LETM1: variants seen among roughly 807,000 people sequenced by gnomAD.
LETM1 encodes leucine zipper and EF-hand containing transmembrane protein 1.
A neutral mutation model predicts 74.5 loss-of-function variants in LETM1; 50 were observed. That is an observed-to-expected ratio of 0.67 (90% CI 0.53 to 0.85). The LOEUF (loss-of-function observed/expected upper bound fraction) is 0.85. Ranked by LOEUF, LETM1 falls within the 40% of genes least tolerant of loss-of-function variation. The pLI is 0.00. For missense variants in LETM1, 824 were observed against 967.8 expected, an observed-to-expected ratio of 0.85 and a Z score of 1.97; for synonymous variants, 446 against 407.1, an observed-to-expected ratio of 1.10 and a Z score of -1.15.
At position 1,834,724 on chromosome 4, in the gene LETM1, A is replaced by G; in HGVS notation, c.876+121T>C. 6.6e-7 allele frequency: 1 copy of G among 1,520,826 alleles called. No homozygotes were observed. The highest frequency in any genetic ancestry group is 8.8e-7 in the Non-Finnish European group (1 of 1,135,166). 94.2% of individuals were successfully genotyped at this position (1,520,826 alleles called of 1,614,324 possible). A position where few individuals can be genotyped will look rare whatever the true frequency, so the allele number is the denominator to read the frequency against. On this transcript the variant is annotated intron_variant, in intron 5 of 13. Transcript: ENST00000302787. This position sits in a 1 kb window ranked among gnomAD's most constrained non-coding sequence, Gnocchi z 5.0. ...GGCCCCCGACTGAGCCTCCTGGGTA[A>G]ACTTTCAAGCGCCAGCCAGCACCTG...
intron 1 of LETM1, among the ~76,000 whole-genome samples, chr4:1,849,504 G>A (rs570127525): frequency 8.5e-5 from 13 of 152,134 alleles, no homozygotes; most frequent in Non-Finnish European, 1.8e-4. Context: ...CCGACCTCAG[G>A]TGATCCGCCC....
At chr4:1,838,123 G>A (rs1209213576) in intron 3 of LETM1, among the ~76,000 whole-genome samples, 1 of 151,530 alleles carries the variant, frequency 6.6e-6, no homozygotes, top group African/African-American at 2.4e-5. Context: ...TTTTTGAGAT[G>A]GAGTCTCACT....
At chr4:1,817,664 T>C (rs1711623574) in intron 11 of LETM1, among the ~76,000 whole-genome samples, 1 of 152,272 alleles carries the variant, frequency 6.6e-6, no homozygotes, top group South Asian at 2.1e-4. Flanking sequence ...ACAAATTTCT[T>C]ATTTTTGTAC....
intron 5 of LETM1, chr4:1,833,773 G>C (rs1577319616): frequency 6.6e-6 from 1 of 152,536 alleles, no homozygotes; most frequent in South Asian, 2.1e-4. Context: ...GGCTGACTTG[G>C]TGCCCAACTC....
Position 1,841,690 on chromosome 4 carries a change from G to C in LETM1, c.251C>G (p.Ser84Trp), listed in dbSNP as rs202034038. ...AGAGGTAGAGGTCCATGGCGCTCTC[G>C]ACACTATGCGAAGGCACTCGGGCCT... ...ALRPECLRIV[S>W]RAPWTSTSVG... is the part of the protein sequence containing the mutation. Residue 84 changes from serine to tryptophan, a missense_variant, in exon 3 of 14, where the codon TCG becomes TGG. Coordinates refer to ENST00000302787, the MANE Select transcript of LETM1 (RefSeq NM_012318.3). 6.8e-5 allele frequency: 109 copies of C among 1,614,190 alleles called. 2 individuals carry two copies. The East Asian group carries it at 1.2e-3, about 17-fold the overall frequency.
chr4:1,827,046 G>C (rs1320066895), intron 6 of LETM1, among the ~76,000 whole-genome samples: 1 of 152,210 alleles, frequency 6.6e-6, no homozygotes, highest in African/African-American at 2.4e-5. Context: ...GAAGGCGCAG[G>C]GAGAGGGCAG....
In LETM1 at chr4:1,834,379, G is replaced by A. The variant is rs774449761; in HGVS notation, c.876+466C>T. 2.0e-6 allele frequency: 2 copies of A among 990,570 alleles called. No individual in the cohort carries two copies. Among genetic ancestry groups the A allele is most frequent in the African/African-American group, 1.7e-5 (1 of 57,284 alleles). The allele number at this position is 990,570 out of a possible 1,614,324, so 61.4% of individuals were successfully genotyped here. A position where few individuals can be genotyped will look rare whatever the true frequency, so the allele number is the denominator to read the frequency against. ...CCCATCCTCACCTCACTCACCACAT[G>A]ACCGCAGGAAACCTCAAGGGCCGCT... On this transcript the variant is annotated intron_variant, in intron 5 of 13. Transcript: ENST00000302787. The surrounding 1 kb of genome is among the most constrained non-coding windows in gnomAD (Gnocchi z 5.0).
intron 3 of LETM1, 132 bp downstream of exon 3, chr4:1,841,215 C>A: frequency 1.3e-6 from 1 of 763,526 alleles, no homozygotes; most frequent in Non-Finnish European, 2.1e-6. Context: ...TGTGGTGGCA[C>A]ATGCCTGTGG....
chr4:1,828,051 CCCCCCCACCTCCCTCCCGGACGGG>C (rs1712070055), intron 6 of LETM1, among the ~76,000 whole-genome samples: 1 of 130,178 alleles, frequency 7.7e-6, no homozygotes, highest in Non-Finnish European at 1.7e-5. Context: ...GGGGGCTGAC[CCCCCCCACCTCCCTCCCGGACGGG>C]GCGGCTGGCC....
chr4:1,826,364 CG>C (rs1290541308), intron 6 of LETM1, among the ~76,000 whole-genome samples: 2 of 152,228 alleles, frequency 1.3e-5, no homozygotes, highest in African/African-American at 2.4e-5. Context: ...CCAAACTTGA[CG>C]TAACTGTGGA....
chr4:1,827,032 T>G (rs1420332435), intron 6 of LETM1, among the ~76,000 whole-genome samples: 2 of 152,192 alleles, frequency 1.3e-5, no homozygotes, highest in Non-Finnish European at 2.9e-5. Flanking sequence ...CCCCGCTCAC[T>G]GCAGAAGGCG....
chr4:1,837,229 C>A (rs538382717), intron 3 of LETM1, among the ~76,000 whole-genome samples: 2 of 152,084 alleles, frequency 1.3e-5, no homozygotes, highest in Non-Finnish European at 2.9e-5. Context: ...ACGTTTCCTG[C>A]GTTTCCACTG....
At chr4:1,823,517 AG>A in intron 8 of LETM1, 126 bp downstream of exon 8, 1 of 934,992 alleles carries the variant, frequency 1.1e-6, no homozygotes, top group Non-Finnish European at 1.5e-6. Flanking sequence ...GGCACTCGCG[AG>A]GGGGTGGGAG....
At chr4:1,828,814 GA>G (rs1221658981) in intron 6 of LETM1, among the ~76,000 whole-genome samples, 1 of 114,680 alleles carries the variant, frequency 8.7e-6, no homozygotes, top group African/African-American at 3.4e-5. Context: ...CAGGGGGGCT[GA>G]CCCCCCCCAC....
rs1463823375 is a variant in LETM1, at chr4:1,816,813, C to A, written c.1845G>T (p.Met615Ile). 1 of 1,614,242 alleles carries A rather than the reference C, an allele frequency of 6.2e-7. No individual in the cohort carries two copies. The highest frequency in any genetic ancestry group is 2.2e-5 in the East Asian group (1 of 44,892). Residue 615 changes from methionine (M) to isoleucine (I), a missense_variant, in exon 12 of 14, where the codon ATG (methionine) becomes ATT (isoleucine). Met to Ile is a conservative substitution (Grantham distance 10, BLOSUM62 1). Transcript: ENST00000302787. The stretch of plus-strand genomic sequence containing the variant: ...AGATCAAGCCATCGATCTGCCCGAT[C>A]ATTTGCTGCACCCTTTTTGTCAATC... ...SKRLTKRVQQ[M>I]IGQIDGLISQ...
chr4:1,815,331 G>T (rs1266382258), intron 13 of LETM1, among the ~76,000 whole-genome samples: 1 of 152,164 alleles, frequency 6.6e-6, no homozygotes, highest in Non-Finnish European at 1.5e-5. Context: ...TCCCTGTGCA[G>T]TCGCCCCTCA....
At chr4:1,825,543 A>C (rs754317704) in intron 7 of LETM1, 21 bp downstream of exon 7, 1 of 1,597,054 alleles carries the variant, frequency 6.3e-7, no homozygotes, top group Non-Finnish European at 8.6e-7. Flanking sequence ...CCGGCCTGGC[A>C]CCAGGCCAAT....
chr4:1,854,690 G>A (rs1212984098), intron 1 of LETM1, among the ~76,000 whole-genome samples: 2 of 152,022 alleles, frequency 1.3e-5, no homozygotes, highest in Non-Finnish European at 2.9e-5. Flanking sequence ...CAACTCGGCA[G>A]GCTGAGGTAA....
rs762995542 is a variant in LETM1, at chr4:1,823,150, C to G, written c.1333-19G>C. ...CCTTTGCCTTCAGAAGAGGGTACATCTGTGGGTGAGCCCAGAAGCCACCAG... is the reference window on the plus strand; with the variant it reads ...CCTTTGCCTTCAGAAGAGGGTACATGTGTGGGTGAGCCCAGAAGCCACCAG... On this transcript the variant is annotated intron_variant, in intron 8 of 13. Coordinates refer to ENST00000302787, the MANE Select transcript of LETM1 (RefSeq NM_012318.3). 9.6e-6 allele frequency: 15 copies of G among 1,566,400 alleles called. No individual in the cohort carries two copies. The East Asian group carries it at 2.8e-4, about 30-fold the overall frequency.
Sources: allele counts gnomAD v4.1 joint callset (sites outside exome capture counted in the v4.1 genomes callset), GRCh38; gene constraint gnomAD v4.1.1; non-coding constraint Gnocchi (gnomAD v3.1); transcripts MANE v1.5; gene names NCBI Gene and HGNC (gene_info 2026-07-23, HGNC 2026-07-21).